NELL1: variants seen among roughly 807,000 people sequenced by gnomAD.
NELL1 encodes neural EGFL like 1.
Under a neutral mutation model 107.4 loss-of-function variants are expected in NELL1, and 76 were observed. That is an observed-to-expected ratio of 0.71 (90% CI 0.59 to 0.86). The LOEUF (loss-of-function observed/expected upper bound fraction) is 0.86. Among genes scored for constraint, NELL1 ranks in the 40% least tolerant of loss-of-function variants. The pLI, the probability that NELL1 is intolerant of heterozygous loss-of-function variation, is 0.00. For missense variants in NELL1, 1,024 were observed against 1,005.5 expected, an observed-to-expected ratio of 1.02 and a Z score of -0.25; for synonymous variants, 353 against 341.2, an observed-to-expected ratio of 1.03 and a Z score of -0.38.
At chr11:20,676,721 G>A (rs1854068284) in intron 1 of NELL1, among the ~76,000 whole-genome samples, 1 of 152,196 alleles carries the variant, frequency 6.6e-6, no homozygotes, top group Non-Finnish European at 1.5e-5. Context: ...AAGGTGGGAG[G>A]ACAGGTGAGG....
At chr11:20,968,558 C>T (rs1204465788) in intron 12 of NELL1, among the ~76,000 whole-genome samples, 3 of 152,188 alleles carry the variant, frequency 2.0e-5, no homozygotes, top group Non-Finnish European at 2.9e-5. Flanking sequence ...TTCATATGAA[C>T]GTCACTGCCT....
chr11:21,429,525 C>T (rs1852915809), intron 15 of NELL1, among the ~76,000 whole-genome samples: 1 of 152,156 alleles, frequency 6.6e-6, no homozygotes, highest in African/African-American at 2.4e-5. Flanking sequence ...TGTAAACACC[C>T]CACCTTCAAT....
chr11:20,866,560 T>C (rs1035056379), intron 4 of NELL1, among the ~76,000 whole-genome samples: 1 of 152,216 alleles, frequency 6.6e-6, no homozygotes, highest in Non-Finnish European at 1.5e-5. Flanking sequence ...ATTCACAGAA[T>C]ACAGTATTGG....
intron 8 of NELL1, among the ~76,000 whole-genome samples, chr11:20,928,168 C>T (rs1274745478): frequency 6.6e-6 from 1 of 152,096 alleles, no homozygotes; most frequent in Non-Finnish European, 1.5e-5. Flanking sequence ...AGGATGAAAC[C>T]AGTGATGTAT....
intron 14 of NELL1, among the ~76,000 whole-genome samples, chr11:21,341,964 T>C (rs1850577744): frequency 6.6e-6 from 1 of 152,210 alleles, no homozygotes; most frequent in African/African-American, 2.4e-5. Flanking sequence ...GAGTTATTAA[T>C]ATATGGATTG....
intron 12 of NELL1, among the ~76,000 whole-genome samples, chr11:21,090,688 A>G (rs1329046924): frequency 1.3e-5 from 2 of 152,160 alleles, no homozygotes; most frequent in East Asian, 3.9e-4. Flanking sequence ...TTTTATGTGG[A>G]TCTTAACAAA....
chr11:21,197,202 C>T (rs1590724365), intron 13 of NELL1, among the ~76,000 whole-genome samples: 1 of 145,034 alleles, frequency 6.9e-6, no homozygotes, highest in South Asian at 2.2e-4. Flanking sequence ...TTAAGCCAGT[C>T]TTTTTTTTTT....
At chr11:21,050,549 C>T (rs2134346496) in intron 12 of NELL1, among the ~76,000 whole-genome samples, 1 of 152,184 alleles carries the variant, frequency 6.6e-6, no homozygotes, top group South Asian at 2.1e-4. Context: ...ATTTCTAAAT[C>T]TTCTATGACA....
chr11:21,546,609 G>C (rs1856449642), intron 16 of NELL1, among the ~76,000 whole-genome samples: 1 of 151,844 alleles, frequency 6.6e-6, no homozygotes, highest in Admixed American at 6.6e-5. Context: ...ACACTCTATT[G>C]CCTGCCGCCA....
intron 13 of NELL1, among the ~76,000 whole-genome samples, chr11:21,223,522 G>A (rs2403657): frequency 0.23 from 34,201 of 151,930 alleles, 4,156 homozygotes; most frequent in Non-Finnish European, 0.27. Flanking sequence ...CATTCAGCCC[G>A]TCCATATATT....
At chr11:21,519,801 C>T (rs1309172863) in intron 15 of NELL1, among the ~76,000 whole-genome samples, 1 of 152,030 alleles carries the variant, frequency 6.6e-6, no homozygotes, top group Non-Finnish European at 1.5e-5. Context: ...CTCCAGAGTC[C>T]TAAAATTGTT....
At chr11:21,230,541 A>G (rs1254989753) in intron 14 of NELL1, among the ~76,000 whole-genome samples, 2 of 152,262 alleles carry the variant, frequency 1.3e-5, no homozygotes, top group African/African-American at 4.8e-5. Context: ...CCTATGAGGT[A>G]GGTATTATTA....
intron 4 of NELL1, among the ~76,000 whole-genome samples, chr11:20,853,580 T>C (rs1431681882): frequency 6.6e-6 from 1 of 152,194 alleles, no homozygotes; most frequent in African/African-American, 2.4e-5. Context: ...TAAGCTTCTG[T>C]ATGAACATAT....
intron 13 of NELL1, among the ~76,000 whole-genome samples, chr11:21,115,331 AAC>A (rs66507806): frequency 0.3 from 42,461 of 140,260 alleles, 6,277 homozygotes; most frequent in Admixed American, 0.34. Context: ...GTCTACATCA[AAC>A]ACACACACAC....
intron 12 of NELL1, among the ~76,000 whole-genome samples, chr11:21,092,264 A>G (rs913412792): frequency 5.3e-5 from 8 of 152,162 alleles, no homozygotes; most frequent in Admixed American, 2.6e-4. Context: ...AACAGTGTCT[A>G]TAGGGACAAT....
At chr11:21,379,450 A>G (rs1851559090) in intron 15 of NELL1, among the ~76,000 whole-genome samples, 1 of 152,104 alleles carries the variant, frequency 6.6e-6, no homozygotes, top group African/African-American at 2.4e-5. Flanking sequence ...AAATATAGTA[A>G]GTATCTGATC....
chr11:21,393,581 G>C (rs10500907), intron 15 of NELL1, among the ~76,000 whole-genome samples: 3 of 151,494 alleles, frequency 2.0e-5, no homozygotes, highest in African/African-American at 4.8e-5. Context: ...GTGCCTAATA[G>C]TCAAAAAACA....
At chr11:21,558,255 A>G (rs1377464789) in intron 16 of NELL1, among the ~76,000 whole-genome samples, 2 of 152,008 alleles carry the variant, frequency 1.3e-5, no homozygotes, top group Non-Finnish European at 2.9e-5. Context: ...GTTTCATAGG[A>G]AACAATATGG....
At chr11:21,032,117 G>A (rs1157806066) in intron 12 of NELL1, among the ~76,000 whole-genome samples, 2 of 150,964 alleles carry the variant, frequency 1.3e-5, no homozygotes, top group African/African-American at 2.4e-5. Flanking sequence ...AACAATCCGT[G>A]TGGCTACCAT....
Sources: gnomAD v4.1 joint callset for allele counts (sites outside exome capture counted in the v4.1 genomes callset) on GRCh38, gnomAD v4.1.1 for gene constraint, MANE v1.5 for transcripts, NCBI Gene and HGNC (gene_info 2026-07-23, HGNC 2026-07-21) for gene names.